KPNA3: variants seen among roughly 807,000 people sequenced by gnomAD.
KPNA3 encodes importin subunit alpha-4.
A neutral mutation model predicts 73.8 loss-of-function variants in KPNA3; 13 were observed. That is an observed-to-expected ratio of 0.18 (90% confidence interval 0.11 to 0.28). KPNA3 has a LOEUF of 0.28. Among genes scored for constraint, KPNA3 ranks in the 10% least tolerant of loss-of-function variants. The pLI is 1.00. For synonymous variants in KPNA3, 186 were observed against 206.9 expected (o/e 0.90, Z 0.87); for missense variants, 360 against 618.1 (o/e 0.58, Z 4.43).
chr13:49,761,447 G>A (rs1024177780), intron 1 of KPNA3, among the ~76,000 whole-genome samples: 4 of 152,258 alleles, frequency 2.6e-5, no homozygotes, highest in Admixed American at 2.0e-4. Flanking sequence ...CGCTGTGTTG[G>A]CCGGGCTGGT....
At chr13:49,754,114 G>T (rs181339683) in intron 1 of KPNA3, among the ~76,000 whole-genome samples, 45 of 152,160 alleles carry the variant, frequency 3.0e-4, no homozygotes, top group Non-Finnish European at 4.6e-4. Context: ...TTGGCCAACA[G>T]GGTGAAGCCT....
intron 1 of KPNA3, among the ~76,000 whole-genome samples, chr13:49,758,228 G>C (rs575470807): frequency 6.6e-6 from 1 of 152,074 alleles, no homozygotes; most frequent in South Asian, 2.1e-4. Flanking sequence ...AAATATATAG[G>C]TGATGACAAG....
At chr13:49,729,588 T>C (rs935009398) in intron 6 of KPNA3, among the ~76,000 whole-genome samples, 1 of 152,024 alleles carries the variant, frequency 6.6e-6, no homozygotes, top group Non-Finnish European at 1.5e-5. Context: ...ATCGAGACCA[T>C]CCTGTGAATG....
At chr13:49,739,975 G>A (rs747002481) in intron 2 of KPNA3, among the ~76,000 whole-genome samples, 8 of 152,204 alleles carry the variant, frequency 5.3e-5, no homozygotes, top group Admixed American at 2.6e-4. Context: ...ACACAGCTGA[G>A]TGCAGTGGCT....
At chr13:49,762,730 T>C (rs981591465) in intron 1 of KPNA3, among the ~76,000 whole-genome samples, 1 of 151,822 alleles carries the variant, frequency 6.6e-6, no homozygotes, top group Non-Finnish European at 1.5e-5. Context: ...AACACTGCGG[T>C]AGGCCGCAGG....
chr13:49,732,566 G>A (rs754338531), intron 5 of KPNA3, 39 bp downstream of exon 5: 17 of 1,525,280 alleles, frequency 1.1e-5, no homozygotes, highest in Non-Finnish European at 1.5e-5. Flanking sequence ...CACAACTGAG[G>A]AATGACATAA....
intron 10 of KPNA3, among the ~76,000 whole-genome samples, chr13:49,717,701 C>G (rs1418877411): frequency 6.6e-6 from 1 of 152,168 alleles, no homozygotes; most frequent in African/African-American, 2.4e-5. Flanking sequence ...ACCAATCTCA[C>G]AAGAATTTTG....
chr13:49,783,052 C>T lies in KPNA3; in HGVS notation c.69+9386G>A, dbSNP rs557780051. ...AAAATTAAGAAGAGCAAAAACTCCA[C>T]AAGCGTAAAAATCAAGAAGAAAATT... is the stretch of plus-strand genomic sequence containing the variant. On this transcript the variant is annotated intron_variant, in intron 1 of 16. Transcript: ENST00000261667. Among the ~76,000 whole-genome samples the T allele has an allele frequency of 3.3e-5, 5 of 152,196 alleles. No homozygotes were observed. In the East Asian group the frequency reaches 9.7e-4, roughly 29 times the overall value.
At chr13:49,764,163 GCT>G (rs1954791380) in intron 1 of KPNA3, among the ~76,000 whole-genome samples, 1 of 34,452 alleles carries the variant, frequency 2.9e-5, no homozygotes, top group Admixed American at 3.6e-4. Flanking sequence ...ACAGAATCTC[GCT>G]CTGTTTTTGT....
At chr13:49,772,552 C>T (rs1019037417) in intron 1 of KPNA3, among the ~76,000 whole-genome samples, 3 of 152,154 alleles carry the variant, frequency 2.0e-5, no homozygotes, top group African/African-American at 7.2e-5. Context: ...CCTGTAATCC[C>T]ATCACTTTGG....
chr13:49,761,060 CA>C (rs1202293159), intron 1 of KPNA3, among the ~76,000 whole-genome samples: 1 of 152,092 alleles, frequency 6.6e-6, no homozygotes, highest in Non-Finnish European at 1.5e-5. Context: ...AAAAGTAGGA[CA>C]AAAACAGTAT....
chr13:49,766,149 C>T (rs4942865), intron 1 of KPNA3, among the ~76,000 whole-genome samples: 18,165 of 152,174 alleles, frequency 0.12, 2,181 homozygotes, highest in East Asian at 0.58. Flanking sequence ...AAAAGCAGCT[C>T]GTGTCACGAA....
chr13:49,749,183 G>A (rs1689970464), intron 1 of KPNA3, among the ~76,000 whole-genome samples: 1 of 152,174 alleles, frequency 6.6e-6, no homozygotes, highest in Non-Finnish European at 1.5e-5. Flanking sequence ...TGTATAGACA[G>A]AATTAGTGAG....
intron 10 of KPNA3, among the ~76,000 whole-genome samples, chr13:49,711,618 T>G (rs1195336535): frequency 6.6e-6 from 1 of 152,222 alleles, no homozygotes; most frequent in East Asian, 1.9e-4. Flanking sequence ...AGGCCTATCC[T>G]AACTTTGCAA....
chr13:49,725,345 T>C (rs541135136), intron 7 of KPNA3, 71 bp downstream of exon 7: 6 of 748,662 alleles, frequency 8.0e-6, no homozygotes, highest in East Asian at 6.0e-5. Flanking sequence ...ATAAAATTTC[T>C]TTATTACAAA....
chr13:49,713,296 A>AC (rs1491350004), intron 10 of KPNA3, among the ~76,000 whole-genome samples: 10 of 57,204 alleles, frequency 1.7e-4, no homozygotes, highest in African/African-American at 5.0e-4. Flanking sequence ...AGCAGAGAAT[A>AC]AACACACACA....
intron 1 of KPNA3, among the ~76,000 whole-genome samples, 168 bp from the exon 2 acceptor site, chr13:49,747,161 G>A (rs1481312034): frequency 6.6e-6 from 1 of 151,974 alleles, no homozygotes; most frequent in Non-Finnish European, 1.5e-5. Flanking sequence ...GGCCAACATG[G>A]CGAAACCTAG....
At position 49,751,304 on chromosome 13, in the gene KPNA3, T is replaced by C. The variant is rs112161719; in HGVS notation, c.70-4311A>G. ...GACCAATCCTGGAAGACTATCCCTG[T>C]CTACTCACTTTCAATCCTCTGAAAT... On this transcript the variant is annotated intron_variant, in intron 1 of 16. Coordinates refer to ENST00000261667, the MANE Select transcript of KPNA3 (RefSeq NM_002267.4). 4.4e-3 allele frequency among the ~76,000 whole-genome samples: 672 copies of C among 152,238 alleles called. 3 individuals are homozygous for C. Among genetic ancestry groups the C allele is most frequent in the Non-Finnish European group, 7.6e-3 (520 of 68,012 alleles).
Position 49,709,831 on chromosome 13 carries a change from C to G in KPNA3, c.904-131G>C, listed in dbSNP as rs569690292. The G allele has an allele frequency of 9.0e-5, 63 of 698,554 alleles. 1 individual carries two copies. Among genetic ancestry groups the G allele is most frequent in the Admixed American group, 1.4e-4 (4 of 27,588 alleles). The allele number at this position is 698,554 out of a possible 1,614,324, so 43.3% of individuals were successfully genotyped here. ...CTTATTTCATCCTTTCACAAAGCAC[C>G]AAGCAGTCTGAGAGCTATTCTGAAT... On this transcript the variant is annotated intron_variant, in intron 11 of 16. Coordinates refer to ENST00000261667, the MANE Select transcript of KPNA3 (RefSeq NM_002267.4).
Sources: allele counts gnomAD v4.1 joint callset (sites outside exome capture counted in the v4.1 genomes callset), GRCh38; gene constraint gnomAD v4.1.1; transcripts MANE v1.5; gene names NCBI Gene and HGNC (gene_info 2026-07-23, HGNC 2026-07-21).